Variants in SOS1 observed in about 807,000 individuals in gnomAD.
SOS1 encodes the protein son of sevenless homolog 1.
SOS1 carries 25 observed loss-of-function variants against 157.6 expected under a neutral mutation model. The ratio of observed to expected loss-of-function variants is 0.16; its 90% CI spans 0.12 to 0.22. SOS1 has a LOEUF of 0.22. Ranked by LOEUF, SOS1 falls within the 10% of genes least tolerant of loss-of-function variation. The pLI, the probability that SOS1 is intolerant of heterozygous loss-of-function variation, is 1.00. For synonymous variants in SOS1, 528 were observed against 534.0 expected, an observed-to-expected ratio of 0.99 and a Z score of 0.16; for missense variants, 1,237 against 1,599.1, an observed-to-expected ratio of 0.77 and a Z score of 3.86.
At chr2:39,085,428 G>GT (rs772877428) in intron 1 of SOS1, among the ~76,000 whole-genome samples, 1 of 152,234 alleles carries the variant, frequency 6.6e-6, no homozygotes, top group Non-Finnish European at 1.5e-5. Flanking sequence ...CATGTGATGT[G>GT]TGTCTACTGT....
upstream of SOS1, among the ~76,000 whole-genome samples, chr2:39,121,612 T>C (rs988529756): frequency 1.3e-5 from 2 of 152,242 alleles, no homozygotes; most frequent in African/African-American, 4.8e-5. Flanking sequence ...CAGTAAGCAC[T>C]TTCCTCCAGT....
rs189479814 is a variant in SOS1 at position 39,101,687 on chromosome 2, C to T, written c.87+18649G>A. On this transcript the variant is annotated intron_variant, in intron 1 of 22. Coordinates refer to ENST00000402219, the MANE Select transcript of SOS1 (RefSeq NM_005633.4). ...GAAAACAAACTAGCAATGTCTCCTC[C>T]ATAAAATGCTTGACAAACTTCAGAA... Among the ~76,000 whole-genome samples the T allele has an allele frequency of 7.5e-3, 1,105 of 147,994 alleles. 12 individuals carry two copies. Among genetic ancestry groups the T allele is most frequent in the African/African-American group, 0.028 (1,063 of 37,476 alleles).
Position 38,995,137 on chromosome 2 carries a change from C to A in SOS1, c.3332G>T (p.Ser1111Ile), listed in dbSNP as rs1668848947. 1 of 1,613,808 alleles carries A rather than the reference C, an allele frequency of 6.2e-7. No homozygotes were observed. The highest frequency in any genetic ancestry group is 1.7e-5 in the Admixed American group (1 of 60,000). Residue 1111 changes from serine (S) to isoleucine (I), a missense_variant, in exon 20 of 23, where the codon AGC becomes ATC. Ser to Ile is a moderately radical substitution (Grantham distance 142). This residue lies in a region of SOS1 where 306 missense variants were observed against 322.6 expected (regional missense o/e 0.95). Transcript: ENST00000402219. ...VCSVFDSDHS[S>I]PFHSSNDTVF... ...TTTGCACCTACTTGAGTGAAAAGGG[C>A]TCGAATGATCGGAATCAAATACACT...
At chr2:38,993,748 T>G (rs550716376) in intron 20 of SOS1, 1 of 152,288 alleles carries the variant, frequency 6.6e-6, no homozygotes, top group African/African-American at 2.4e-5. Context: ...TTAGTGCTTC[T>G]CAACCTCCTC....
At position 39,062,423 on chromosome 2, in the gene SOS1, AAAAAAAAAAATT is replaced by A. The variant is rs1335885527; in HGVS notation, c.214-3631_214-3620del. On this transcript the variant is annotated intron_variant, in intron 2 of 22. Transcript: ENST00000402219. ...ACAGAGGGAGTCTCTGTCTCAAAAT[AAAAAAAAAAATT>A]AAAAAAAAAAAGAAAAGAAAAGAAA... Among the ~76,000 whole-genome samples, 141 of 7,714 alleles carry A rather than the reference AAAAAAAAAAATT, an allele frequency of 0.018. 2 individuals are homozygous for A. The East Asian group carries it at 0.2, about 11-fold the overall frequency. 5.1% of individuals were successfully genotyped at this position (7,714 alleles called of 152,430 possible).
chr2:39,070,405 T>C (rs375456815), intron 1 of SOS1, among the ~76,000 whole-genome samples: 1 of 152,164 alleles, frequency 6.6e-6, no homozygotes, highest in Admixed American at 6.5e-5. Flanking sequence ...AATTTCCTTA[T>C]TCCTTTTCCA....
Position 39,079,487 on chromosome 2 carries a change from A to ATTTT in SOS1, c.88-11738_88-11735dup, listed in dbSNP as rs1201929648. Among the ~76,000 whole-genome samples, 104 of 82,674 alleles carry ATTTT rather than the reference A, an allele frequency of 1.3e-3. 3 individuals carry two copies. The East Asian group carries it at 0.014, about 11-fold the overall frequency. The allele number at this position is 82,674 out of a possible 152,430, so 54.2% of individuals were successfully genotyped here. A position where few individuals can be genotyped will look rare whatever the true frequency, so the allele number is the denominator to read the frequency against. On this transcript the variant is annotated intron_variant, in intron 1 of 22. Coordinates refer to ENST00000402219, the MANE Select transcript of SOS1 (RefSeq NM_005633.4). ...CAAAGAAGCCTTTAAAAGTGTTCGA[A>ATTTT]TTTTTTTTTTTTTTTTTTTTTTTTT...
intron 2 of SOS1, among the ~76,000 whole-genome samples, chr2:39,064,185 A>G (rs1467895280): frequency 6.6e-6 from 1 of 152,196 alleles, no homozygotes; most frequent in Non-Finnish European, 1.5e-5. Context: ...CATGTATATC[A>G]TGTACAACAT....
chr2:39,107,189 C>A (rs919063467), intron 1 of SOS1, among the ~76,000 whole-genome samples: 21 of 151,880 alleles, frequency 1.4e-4, no homozygotes, highest in African/African-American at 5.1e-4. Flanking sequence ...CCAGAGATGA[C>A]CCTAATTGAT....
At chr2:38,991,515 C>T (rs976279038) in intron 20 of SOS1, among the ~76,000 whole-genome samples, 5 of 152,176 alleles carry the variant, frequency 3.3e-5, no homozygotes, top group African/African-American at 1.2e-4. Flanking sequence ...GCAGCAGAAA[C>T]AAGTAGTGAG....
chr2:39,089,389 A>C (rs1672497300), intron 1 of SOS1, among the ~76,000 whole-genome samples: 1 of 152,042 alleles, frequency 6.6e-6, no homozygotes, highest in Non-Finnish European at 1.5e-5. Flanking sequence ...AAAATTAGCC[A>C]GGCATGGTGG....
At chr2:39,111,125 C>T (rs1468726931) in intron 1 of SOS1, among the ~76,000 whole-genome samples, 1 of 152,008 alleles carries the variant, frequency 6.6e-6, no homozygotes, top group Non-Finnish European at 1.5e-5. Context: ...CCCAGCTAAT[C>T]GGGAGGCTGA....
chr2:39,035,525 A>T (rs371171796), intron 6 of SOS1, 25 bp from the exon 7 acceptor site: 47 of 1,492,164 alleles, frequency 3.1e-5, no homozygotes, highest in Non-Finnish European at 3.9e-5. Context: ...AAGGTAAAAC[A>T]TAAATAATTT....
In SOS1 at chr2:38,982,189, T is replaced by G. The variant is rs1010004547; in HGVS notation, c.*3635A>C. 2.6e-5 allele frequency: 4 copies of G among 152,184 alleles called. No homozygotes were observed. Among genetic ancestry groups the G allele is most frequent in the African/African-American group, 9.7e-5 (4 of 41,444 alleles). The allele number at this position is 152,184 out of a possible 1,614,324, so 9.4% of individuals were successfully genotyped here. Reference sequence around the variant, plus strand: ...TTTCATTAAAGGCAAAAGGGAAATTTGCTCACAGTCGACAGAAAATGCACT... The same window carrying G: ...TTTCATTAAAGGCAAAAGGGAAATTGGCTCACAGTCGACAGAAAATGCACT... On this transcript the variant is annotated 3_prime_UTR_variant, in exon 23 of 23. Transcript: ENST00000402219.
At chr2:39,040,146 G>A (rs1052147898) in intron 6 of SOS1, among the ~76,000 whole-genome samples, 2 of 151,544 alleles carry the variant, frequency 1.3e-5, no homozygotes, top group Admixed American at 6.6e-5. Context: ...CGAGTAGCTG[G>A]GACTACAAGC....
intron 6 of SOS1, among the ~76,000 whole-genome samples, chr2:39,048,988 G>A (rs1418664987): frequency 6.6e-6 from 1 of 152,042 alleles, no homozygotes; most frequent in Non-Finnish European, 1.5e-5. Flanking sequence ...TGCGATCTCG[G>A]CTCACTGCAG....
chr2:39,115,387 T>C (rs1289045332), intron 1 of SOS1, among the ~76,000 whole-genome samples: 1 of 150,968 alleles, frequency 6.6e-6, no homozygotes, highest in African/African-American at 2.4e-5. Context: ...TTGTCATTTG[T>C]ATCAAATTTG....
chr2:39,033,300 C>A (rs1483887007), intron 8 of SOS1, among the ~76,000 whole-genome samples: 1 of 151,066 alleles, frequency 6.6e-6, no homozygotes, highest in Non-Finnish European at 1.5e-5. Flanking sequence ...GCTAACTTTG[C>A]AATATAACTT....
chr2:39,040,989 C>T lies in SOS1; in HGVS notation c.865-5489G>A, dbSNP rs1490035181. Among the ~76,000 whole-genome samples, 3 of 152,204 alleles carry T rather than the reference C, an allele frequency of 2.0e-5. No individual in the cohort carries two copies. In the East Asian group the frequency reaches 5.8e-4, roughly 29 times the overall value. On this transcript the variant is annotated intron_variant, in intron 6 of 22. Transcript: ENST00000402219. ...TACGAGGGTCTCAAATTCTCCACAT[C>T]TTCATGAACACTTGTTACTTTCCCT... is the stretch of plus-strand genomic sequence containing the variant.
Sources: allele counts gnomAD v4.1 joint callset (sites outside exome capture counted in the v4.1 genomes callset), GRCh38; gene constraint gnomAD v4.1.1; regional missense constraint gnomAD v4.1.1; transcripts MANE v1.5; gene names NCBI Gene and HGNC (gene_info 2026-07-23, HGNC 2026-07-21).